Variants in HIP1R observed in about 807,000 individuals in gnomAD.
The protein encoded by HIP1R is huntingtin-interacting protein 1-related protein.
A neutral mutation model predicts 144.2 loss-of-function variants in HIP1R; 135 were observed. The observed-to-expected ratio is 0.94, with a 90% CI of 0.81 to 1.08. HIP1R has a LOEUF of 1.08. Among genes scored for constraint, HIP1R ranks in the 50% least tolerant of loss-of-function variants. The pLI is 0.00. For synonymous variants in HIP1R, 698 were observed against 612.8 expected (o/e 1.14, Z -2.05); for missense variants, 1,462 against 1,432.8 (o/e 1.02, Z -0.33).
intron 18 of HIP1R, chr12:122,857,496 T>C (rs2033624657): frequency 3.6e-6 from 2 of 550,016 alleles, no homozygotes; most frequent in African/African-American, 1.9e-5. Context: ...ATTGGGTTTG[T>C]TGCAACTTTC....
intron 23 of HIP1R, 116 bp downstream of exon 23, chr12:122,859,652 C>A: frequency 7.3e-7 from 1 of 1,378,654 alleles, no homozygotes; most frequent in Admixed American, 1.9e-5. Context: ...AGACAGAGGA[C>A]AGATGGCGTT....
rs575758377 is a variant in HIP1R at position 122,855,131 on chromosome 12, A to G, written c.852+3A>G. On this transcript the variant is annotated splice_donor_region_variant and intron_variant, in intron 10 of 31. Transcript: ENST00000253083. ...TCCAGATCCCCCGGCTGCCCGAGGT[A>G]CCACCCCCAAGAGGGCCCCGAGGCC... The G allele has an allele frequency of 1.9e-6, 3 of 1,613,192 alleles. No homozygotes were observed. The highest frequency in any genetic ancestry group is 2.7e-5 in the African/African-American group (2 of 74,988).
In HIP1R at chr12:122,861,812, G is replaced by A; in HGVS notation, c.*59G>A. The A allele has an allele frequency of 1.3e-6, 2 of 1,542,368 alleles. No individual in the cohort carries two copies. The highest frequency in any genetic ancestry group is 2.3e-5 in the South Asian group (2 of 88,812). On this transcript the variant is annotated 3_prime_UTR_variant, in exon 32 of 32. Coordinates refer to ENST00000253083, the MANE Select transcript of HIP1R (RefSeq NM_003959.3). ...AGGCCTGGGCCTCTGCAACTGCCCT[G>A]ACAGGACCGAGAGGCCTTGCCCCTC...
chr12:122,854,814 T>G, intron 8 of HIP1R, 91 bp from the exon 9 acceptor site: 74 of 1,355,792 alleles, frequency 5.5e-5, no homozygotes, highest in Non-Finnish European at 6.8e-5. Flanking sequence ...CTCTGATCTG[T>G]GAGTTTGTAG....
At chr12:122,842,706 C>T (rs1938399202) in intron 1 of HIP1R, among the ~76,000 whole-genome samples, 1 of 152,192 alleles carries the variant, frequency 6.6e-6, no homozygotes, top group Admixed American at 6.5e-5. Context: ...TTCCTGCGGT[C>T]TGTTTCCATC....
rs141465193 is a variant in HIP1R at position 122,859,525 on chromosome 12, C to T, written c.2395C>T (p.Arg799Trp). The part of the protein sequence containing the change: ...ATSAAIEDAV[R>W]RIEDMMNQAR... ...ATCCGCAGCCATTGAAGATGCTGTG[C>T]GGAGGATTGAGGTGAGCACGGGATC... The change falls in exon 23 of 32, where the codon CGG becomes TGG. Residue 799 changes from arginine to tryptophan, a missense_variant. Arg to Trp is a moderately radical substitution (Grantham distance 101, BLOSUM62 -3). Transcript: ENST00000253083. The T allele has an allele frequency of 9.9e-6, 16 of 1,612,094 alleles. No homozygotes were observed. Among genetic ancestry groups the T allele is most frequent in the African/African-American group, 2.7e-5 (2 of 75,024 alleles).
Position 122,860,184 on chromosome 12 carries a change from C to T in HIP1R, c.2533C>T (p.Gln845Ter). The T allele has an allele frequency of 6.4e-7, 1 of 1,569,864 alleles. No individual in the cohort carries two copies. The highest frequency in any genetic ancestry group is 1.2e-5 in the South Asian group (1 of 86,672). The stretch of plus-strand genomic sequence containing the variant: ...CCTGGTGACGACATCCACTAGCCTG[C>T]AGAAGGAGATCGTGGAGAGCGGCAG... ...RLLVTTSTSL[Q>*]KEIVESGRGA... is the part of the protein sequence containing the mutation. The change falls in exon 26 of 32, where the codon CAG becomes TAG. Residue 845 changes from glutamine (Q) to a stop codon, truncating the protein, a stop_gained. Transcript: ENST00000253083. LOFTEE classifies it high-confidence loss of function.
Position 122,859,895 on chromosome 12 carries a change from G to GC in HIP1R, c.2465+70dup, listed in dbSNP as rs2033714489. ...GGCTCCCCGTGGCCCCTAAGGTTCT[G>GC]CCCCCAACTGTTCTGCTCACGGGAA... On this transcript the variant is annotated intron_variant, in intron 24 of 31. Transcript: ENST00000253083. 4 of 1,529,550 alleles carry GC rather than the reference G, an allele frequency of 2.6e-6. No homozygotes were observed. In the African/African-American group the frequency reaches 4.1e-5, roughly 16 times the overall value. The allele number at this position is 1,529,550 out of a possible 1,614,324, so 94.7% of individuals were successfully genotyped here.
chr12:122,858,712 C>T (rs1166416924), intron 20 of HIP1R, 126 bp from the exon 21 acceptor site: 4 of 750,976 alleles, frequency 5.3e-6, no homozygotes, highest in Admixed American at 1.9e-5. Flanking sequence ...GCCTCCTGGA[C>T]GTTGTCTTGC....
At chr12:122,859,614 G>C in intron 23 of HIP1R, 78 bp downstream of exon 23, 1 of 1,360,520 alleles carries the variant, frequency 7.4e-7, no homozygotes, top group Non-Finnish European at 1.0e-6. Flanking sequence ...CTGGGTACAG[G>C]CTGCACCCAC....
rs778530466 is a variant in HIP1R at position 122,858,083 on chromosome 12, TCTTC to T, written c.1816-18_1816-15del. 1.5e-3 allele frequency: 49 copies of T among 31,860 alleles called. No individual in the cohort carries two copies. Among genetic ancestry groups the T allele is most frequent in the Non-Finnish European group, 3.4e-3 (49 of 14,498 alleles). 2.0% of individuals were successfully genotyped at this position (31,860 alleles called of 1,614,324 possible). On this transcript the variant is annotated splice_polypyrimidine_tract_variant and intron_variant, in intron 18 of 31. Transcript: ENST00000253083. The stretch of plus-strand genomic sequence containing the variant: ...CTTGGGGAGGATCTCTAACCTGTCC[TCTTC>T]ACCCCCATTGCCAGGAGTCTCAGGA...
In HIP1R at chr12:122,861,974, A is replaced by G. The variant is rs2033785046; in HGVS notation, c.*221A>G. Reference sequence around the variant, plus strand: ...AGTCTCTTATTTATCTGCAGAAGGAACTTTGGGGTGCAGCCAGGACCCGGT... The same window carrying G: ...AGTCTCTTATTTATCTGCAGAAGGAGCTTTGGGGTGCAGCCAGGACCCGGT... On this transcript the variant is annotated 3_prime_UTR_variant, in exon 32 of 32. Transcript: ENST00000253083. 3 of 532,382 alleles carry G rather than the reference A, an allele frequency of 5.6e-6. No homozygotes were observed. The highest frequency in any genetic ancestry group is 3.5e-5 in the Admixed American group (1 of 28,466). The allele number at this position is 532,382 out of a possible 1,614,324, so 33.0% of individuals were successfully genotyped here.
In HIP1R at chr12:122,856,547, A is replaced by C. The variant is rs1349319655; in HGVS notation, c.1517A>C (p.Lys506Thr). ...CAGGTGAAGCGGGAGTCGGAGTTGA[A>C]GGTATGTCCCTTGTGGCACAGGGCC... Reference protein sequence around the residue: ...VEQVKRESELKLEEKSDQLEK... With the variant: ...VEQVKRESELTLEEKSDQLEK... The change falls in exon 16 of 32, where the codon AAG becomes ACG. Residue 506 changes from lysine (K) to threonine (T), a missense_variant and splice_region_variant. Around this residue, in one of 2 missense-constraint regions of HIP1R, gnomAD observed 1,112 missense variants for 1,011.7 expected, o/e 1.10. Transcript: ENST00000253083. 5.0e-6 allele frequency: 8 copies of C among 1,601,038 alleles called. No individual in the cohort carries two copies. In the South Asian group the frequency reaches 9.0e-5, roughly 18 times the overall value.
intron 1 of HIP1R, among the ~76,000 whole-genome samples, chr12:122,837,375 A>C (rs889963798): frequency 6.6e-6 from 1 of 150,994 alleles, no homozygotes; most frequent in Non-Finnish European, 1.5e-5. Flanking sequence ...CTGGAGTGCA[A>C]TGGCATGATC....
intron 12 of HIP1R, 92 bp from the exon 13 acceptor site, chr12:122,855,739 T>C: frequency 6.6e-7 from 1 of 1,509,210 alleles, no homozygotes; most frequent in Non-Finnish European, 9.0e-7. Flanking sequence ...GCCCAAATCC[T>C]GAGTGGCCAC....
At position 122,861,210 on chromosome 12, in the gene HIP1R, C is replaced by CT. The variant is rs769072572; in HGVS notation, c.2952+18_2952+19insT. The CT allele has an allele frequency of 9.5e-6, 14 of 1,466,996 alleles. No individual in the cohort carries two copies. The highest frequency in any genetic ancestry group is 2.3e-5 in the South Asian group (2 of 86,634). 90.9% of individuals were successfully genotyped at this position (1,466,996 alleles called of 1,614,324 possible). A position where few individuals can be genotyped will look rare whatever the true frequency, so the allele number is the denominator to read the frequency against. ...AGACCCAGGTAGGCGCCCATGGCTG[C>CT]CCCGTGACCTCTGAGCTCATCCCTC... On this transcript the variant is annotated intron_variant, in intron 30 of 31. Transcript: ENST00000253083.
At chr12:122,847,753 G>A (rs2033251033) in intron 1 of HIP1R, among the ~76,000 whole-genome samples, 1 of 152,198 alleles carries the variant, frequency 6.6e-6, no homozygotes, top group Non-Finnish European at 1.5e-5. Context: ...AAGTCGTGCA[G>A]GTTTTGGGCA....
chr12:122,849,627 C>G (rs889709015), intron 4 of HIP1R, among the ~76,000 whole-genome samples: 9 of 152,274 alleles, frequency 5.9e-5, no homozygotes, highest in African/African-American at 1.4e-4. Context: ...TAAAGCGTCC[C>G]TGCTCAGAAC....
chr12:122,848,724 G>C, intron 3 of HIP1R, 72 bp from the exon 4 acceptor site: 1 of 1,601,662 alleles, frequency 6.2e-7, no homozygotes, highest in Admixed American at 1.7e-5. Flanking sequence ...GCCTCGGGTG[G>C]GGAGTGCGTG....
Sources: gnomAD v4.1 joint callset for allele counts (sites outside exome capture counted in the v4.1 genomes callset) on GRCh38, gnomAD v4.1.1 for gene constraint, gnomAD v4.1.1 regional missense constraint, MANE v1.5 for transcripts, NCBI Gene and HGNC (gene_info 2026-07-23, HGNC 2026-07-21) for gene names.